Variants in TMEM117 observed in about 807,000 individuals in gnomAD.
TMEM117 encodes transmembrane protein 117.
In TMEM117, 27 loss-of-function variants were observed where a neutral mutation model predicts 52.4. The ratio of observed to expected loss-of-function variants is 0.51; its 90% CI spans 0.38 to 0.71. TMEM117 has a LOEUF of 0.71. TMEM117 is among the 30% of genes least tolerant of loss of function. The pLI is 0.00. For missense variants in TMEM117, 556 were observed against 630.5 expected, an observed-to-expected ratio of 0.88 and a Z score of 1.26; for synonymous variants, 215 against 206.3, an observed-to-expected ratio of 1.04 and a Z score of -0.36.
chr12:44,333,744 A>G (rs1951303512), intron 6 of TMEM117, among the ~76,000 whole-genome samples: 1 of 152,046 alleles, frequency 6.6e-6, no homozygotes, highest in South Asian at 2.1e-4. Context: ...GCAGCATGAG[A>G]ACAAACTAAT....
At chr12:44,321,497 G>A (rs2138700206) in intron 6 of TMEM117, among the ~76,000 whole-genome samples, 1 of 152,300 alleles carries the variant, frequency 6.6e-6, no homozygotes, top group South Asian at 2.1e-4. Context: ...ACCCCATGTT[G>A]TCTTTCCTAA....
intron 4 of TMEM117, among the ~76,000 whole-genome samples, chr12:44,205,073 C>A (rs984738767): frequency 6.6e-6 from 1 of 152,136 alleles, no homozygotes; most frequent in East Asian, 1.9e-4. Flanking sequence ...TAAAGAGCTT[C>A]TGCCCAGCAA....
At chr12:43,879,664 T>C (rs1299118935) in intron 2 of TMEM117, among the ~76,000 whole-genome samples, 1 of 152,240 alleles carries the variant, frequency 6.6e-6, no homozygotes, top group Non-Finnish European at 1.5e-5. Flanking sequence ...CCCCAACTCC[T>C]TTCTACGTAT....
At position 44,147,705 on chromosome 12, in the gene TMEM117, C is replaced by T. The variant is rs140426090; in HGVS notation, c.510+4081C>T. On this transcript the variant is annotated intron_variant, in intron 4 of 7. Coordinates refer to ENST00000266534, the MANE Select transcript of TMEM117 (RefSeq NM_032256.3). The stretch of plus-strand genomic sequence containing the variant: ...AACCCCAGCACTTGGGAGGCTGAGA[C>T]GGGTGGATCACTTGAGGTCAGGAGC... Among the ~76,000 whole-genome samples the T allele has an allele frequency of 3.9e-4, 59 of 152,070 alleles. No individual in the cohort carries two copies. In the East Asian group the frequency reaches 0.01, roughly 26 times the overall value.
the TMEM117 span, among the ~76,000 whole-genome samples, chr12:43,823,217 A>G: frequency 1.3e-5 from 2 of 152,328 alleles, no homozygotes; most frequent in East Asian, 3.9e-4. Context: ...ATTTCATTTA[A>G]TCCTCACTGC....
At chr12:43,952,834 C>T (rs1156762495) in intron 3 of TMEM117, among the ~76,000 whole-genome samples, 2 of 151,998 alleles carry the variant, frequency 1.3e-5, no homozygotes, top group Non-Finnish European at 2.9e-5. Context: ...CTCCAAGACA[C>T]GTAATCACCA....
chr12:43,808,662 T>A, the TMEM117 span, among the ~76,000 whole-genome samples: 33,032 of 151,748 alleles, frequency 0.22, 4,109 homozygotes, highest in African/African-American at 0.33. Context: ...GAGCTACTAC[T>A]AGGCCAAGTG....
intron 5 of TMEM117, among the ~76,000 whole-genome samples, chr12:44,238,883 A>G (rs550756337): frequency 6.6e-6 from 1 of 152,240 alleles, no homozygotes; most frequent in African/African-American, 2.4e-5. Context: ...GGTATACCAC[A>G]TGTGATCTTT....
chr12:44,036,732 C>T (rs564360815), intron 3 of TMEM117, among the ~76,000 whole-genome samples: 1 of 152,216 alleles, frequency 6.6e-6, no homozygotes, highest in African/African-American at 2.4e-5. Flanking sequence ...AACAAATATA[C>T]CTAGGAGTCA....
At chr12:44,257,684 T>A (rs758671706) in intron 5 of TMEM117, among the ~76,000 whole-genome samples, 1 of 152,082 alleles carries the variant, frequency 6.6e-6, no homozygotes, top group Non-Finnish European at 1.5e-5. Flanking sequence ...CCAACATAGA[T>A]CCCACTTGAC....
In TMEM117 at chr12:44,389,191, G is replaced by C. The variant is rs186863749; in HGVS notation, c.*519G>C. On this transcript the variant is annotated 3_prime_UTR_variant, in exon 8 of 8. Transcript: ENST00000266534. Reference sequence around the variant, plus strand: ...GTGACTTTGACAACTGGACTGCAGAGAAACATGGTGATCACCTTTTAATTT... The same window carrying C: ...GTGACTTTGACAACTGGACTGCAGACAAACATGGTGATCACCTTTTAATTT... 33 of 155,504 alleles carry C rather than the reference G, an allele frequency of 2.1e-4. No individual in the cohort carries two copies. The highest frequency in any genetic ancestry group is 2.9e-5 in the Non-Finnish European group (2 of 69,720). 9.6% of individuals were successfully genotyped at this position (155,504 alleles called of 1,614,324 possible). A position where few individuals can be genotyped will look rare whatever the true frequency, so the allele number is the denominator to read the frequency against.
intron 4 of TMEM117, among the ~76,000 whole-genome samples, chr12:44,158,031 T>C (rs985536843): frequency 9.2e-5 from 14 of 152,280 alleles, no homozygotes; most frequent in African/African-American, 2.9e-4. Context: ...CTTATTTTAG[T>C]AGAGTCCAAG....
chr12:44,016,022 A>C (rs1946367906), intron 3 of TMEM117, among the ~76,000 whole-genome samples: 1 of 152,216 alleles, frequency 6.6e-6, no homozygotes, highest in Admixed American at 6.5e-5. Context: ...ATAAAACAAA[A>C]TACCCAGGAA....
chr12:43,813,779 A>G, the TMEM117 span, among the ~76,000 whole-genome samples: 1 of 152,078 alleles, frequency 6.6e-6, no homozygotes, highest in African/African-American at 2.4e-5. Flanking sequence ...ATCACAGTTC[A>G]CTTTCCCTGG....
At position 44,281,998 on chromosome 12, in the gene TMEM117, G is replaced by A. The variant is rs1453759376; in HGVS notation, c.609-17582G>A. On this transcript the variant is annotated intron_variant, in intron 5 of 7. Coordinates refer to ENST00000266534, the MANE Select transcript of TMEM117 (RefSeq NM_032256.3). The stretch of plus-strand genomic sequence containing the variant: ...GTGTTGTAGGAGGGATCCAAGGGGA[G>A]GTAATTGAATCACGGGGGCTGGTCT... Among the ~76,000 whole-genome samples, 4 of 152,148 alleles carry A rather than the reference G, an allele frequency of 2.6e-5. No individual in the cohort carries two copies. In the South Asian group the frequency reaches 8.3e-4, roughly 31 times the overall value.
intron 3 of TMEM117, among the ~76,000 whole-genome samples, chr12:43,998,090 C>T (rs187798103): frequency 6.6e-5 from 10 of 152,152 alleles, no homozygotes; most frequent in East Asian, 1.9e-4. Flanking sequence ...GTGTTTAAAG[C>T]GCTATGGAAT....
At chr12:44,324,578 A>G (rs1334228980) in intron 6 of TMEM117, among the ~76,000 whole-genome samples, 2 of 152,116 alleles carry the variant, frequency 1.3e-5, no homozygotes, top group Non-Finnish European at 2.9e-5. Context: ...AAAAATTGAA[A>G]GACTAAATAG....
chr12:44,300,513 C>T (rs1726888), intron 6 of TMEM117, among the ~76,000 whole-genome samples: 39,802 of 152,140 alleles, frequency 0.26, 8,758 homozygotes, highest in African/African-American at 0.61. Context: ...GAATACTCCA[C>T]TGTATTCTGA....
intron 5 of TMEM117, among the ~76,000 whole-genome samples, chr12:44,234,604 T>C (rs549665090): frequency 3.0e-4 from 46 of 151,532 alleles, no homozygotes; most frequent in Non-Finnish European, 6.2e-4. Context: ...ATTTCTGCTC[T>C]TTTTTAATTC....
Sources: gnomAD v4.1 joint callset for allele counts (sites outside exome capture counted in the v4.1 genomes callset) on GRCh38, gnomAD v4.1.1 for gene constraint, MANE v1.5 for transcripts, NCBI Gene and HGNC (gene_info 2026-07-23, HGNC 2026-07-21) for gene names.